Variants in NOS1AP observed in about 807,000 individuals in gnomAD.
The protein encoded by NOS1AP is nitric oxide synthase 1 adaptor protein, also known as carboxyl-terminal PDZ ligand of neuronal nitric oxide synthase protein.
NOS1AP carries 21 observed loss-of-function variants against 56.2 expected under a neutral mutation model. That is an observed-to-expected ratio of 0.37 (90% CI 0.26 to 0.54). The LOEUF is 0.54. Ranked by LOEUF, NOS1AP falls within the 20% of genes least tolerant of loss-of-function variation. NOS1AP has a pLI of 0.84. For synonymous variants in NOS1AP, 270 were observed against 274.6 expected, an observed-to-expected ratio of 0.98 and a Z score of 0.17; for missense variants, 522 against 657.8, an observed-to-expected ratio of 0.79 and a Z score of 2.26.
chr1:162,358,763 G>A (rs181477486), intron 8 of NOS1AP, among the ~76,000 whole-genome samples: 57 of 152,204 alleles, frequency 3.7e-4, no homozygotes, highest in African/African-American at 1.2e-3. Context: ...ATTTTGCAGC[G>A]TATCAATTGC....
chr1:162,081,774 A>ATATATATTTTTT lies in NOS1AP; in HGVS notation c.105+11493_105+11494insATATATTTTTTT. Reference sequence around the variant, plus strand: ...TCTATAGATATATATATATATATATATTTTTTTTTTGTAGAGATGGGTTTT... The same window carrying ATATATATTTTTT: ...TCTATAGATATATATATATATATATATATATATTTTTTTTTTTTTTTTGTAGAGATGGGTTTT... On this transcript the variant is annotated intron_variant, in intron 1 of 9. Coordinates refer to ENST00000361897, the MANE Select transcript of NOS1AP (RefSeq NM_014697.3). Among the ~76,000 whole-genome samples, 9 of 44,058 alleles carry ATATATATTTTTT rather than the reference A, an allele frequency of 2.0e-4. 1 individual carries two copies. The highest frequency in any genetic ancestry group is 5.9e-4 in the East Asian group (1 of 1,708). The allele number at this position is 44,058 out of a possible 152,430, so 28.9% of individuals were successfully genotyped here.
chr1:162,079,271 G>A (rs1189384693), intron 1 of NOS1AP, among the ~76,000 whole-genome samples: 1 of 152,176 alleles, frequency 6.6e-6, no homozygotes, highest in Non-Finnish European at 1.5e-5. Flanking sequence ...TGGATGTCCA[G>A]TGGAATTAGA....
intron 2 of NOS1AP, among the ~76,000 whole-genome samples, chr1:162,155,243 CATATACACATACATATAT>C (rs1480027224): frequency 6.9e-6 from 1 of 144,784 alleles, no homozygotes; most frequent in African/African-American, 2.5e-5. Context: ...TATACATATA[CATATACACATACATATAT>C]ATATACACAT....
chr1:162,108,393 A>G (rs1450192637), intron 1 of NOS1AP, among the ~76,000 whole-genome samples: 1 of 152,200 alleles, frequency 6.6e-6, no homozygotes, highest in Non-Finnish European at 1.5e-5. Flanking sequence ...ATGAGTTTGT[A>G]GTGATACTCA....
intron 8 of NOS1AP, chr1:162,365,081 C>T (rs533982504): frequency 4.6e-5 from 61 of 1,317,622 alleles, no homozygotes; most frequent in East Asian, 3.0e-4. Flanking sequence ...TATATGTGCA[C>T]GTGTGTGTGT....
At chr1:162,180,190 C>T (rs1469995574) in intron 2 of NOS1AP, among the ~76,000 whole-genome samples, 1 of 152,100 alleles carries the variant, frequency 6.6e-6, no homozygotes, top group African/African-American at 2.4e-5. Context: ...CTCCAATGTG[C>T]CAGGCCCTTG....
intron 2 of NOS1AP, among the ~76,000 whole-genome samples, chr1:162,196,154 T>C (rs1175842196): frequency 6.6e-6 from 1 of 152,160 alleles, no homozygotes; most frequent in Non-Finnish European, 1.5e-5. Context: ...CTCTTACCAG[T>C]TCTTGGTCTT....
chr1:162,261,504 G>A (rs1341455600), intron 2 of NOS1AP, among the ~76,000 whole-genome samples: 1 of 11,138 alleles, frequency 9.0e-5, no homozygotes, highest in African/African-American at 6.5e-4. Flanking sequence ...GAGAGAGAGA[G>A]AGAGAGAGAG....
At chr1:162,072,780 T>C (rs1187898755) in intron 1 of NOS1AP, among the ~76,000 whole-genome samples, 1 of 152,232 alleles carries the variant, frequency 6.6e-6, no homozygotes, top group East Asian at 1.9e-4. Context: ...GAGCCTTCTC[T>C]GGCTGTTTTC....
At chr1:162,364,322 A>G in intron 8 of NOS1AP, 1 of 985,458 alleles carries the variant, frequency 1.0e-6, no homozygotes. Context: ...GGTCCAGGCC[A>G]TAAAAATTCA....
At chr1:162,245,394 A>G (rs2101685702) in intron 2 of NOS1AP, among the ~76,000 whole-genome samples, 1 of 152,358 alleles carries the variant, frequency 6.6e-6, no homozygotes, top group South Asian at 2.1e-4. Context: ...GTTGATGAAG[A>G]TGTCAGGGAA....
intron 2 of NOS1AP, among the ~76,000 whole-genome samples, chr1:162,255,375 C>G (rs1017253209): frequency 6.6e-6 from 1 of 152,008 alleles, no homozygotes; most frequent in African/African-American, 2.4e-5. Context: ...GTCCTAGACT[C>G]TTCCCCAAAC....
intron 1 of NOS1AP, among the ~76,000 whole-genome samples, chr1:162,084,414 T>A (rs1163200032): frequency 6.6e-6 from 1 of 152,150 alleles, no homozygotes; most frequent in East Asian, 1.9e-4. Context: ...TCATTACTGA[T>A]TCCACATGAC....
At chr1:162,281,984 C>T (rs1349653425) in intron 2 of NOS1AP, among the ~76,000 whole-genome samples, 1 of 152,134 alleles carries the variant, frequency 6.6e-6, no homozygotes, top group Non-Finnish European at 1.5e-5. Context: ...CCTGTAATCC[C>T]AGCTGCTCAG....
Position 162,299,234 on chromosome 1 carries a change from TAAG to T in NOS1AP, c.271-1397_271-1395del, listed in dbSNP as rs1268823843. Among the ~76,000 whole-genome samples, 9 of 152,276 alleles carry T rather than the reference TAAG, an allele frequency of 5.9e-5. No homozygotes were observed. In the East Asian group the frequency reaches 1.7e-3, roughly 29 times the overall value. On this transcript the variant is annotated intron_variant, in intron 3 of 9. Transcript: ENST00000361897. ...ACTGCTATAAACCAATCTGCTGGGT[TAAG>T]AGGAGTGTCATGGCTGGAACATTAA... is the stretch of plus-strand genomic sequence containing the variant.
chr1:162,350,399 G>T (rs1264514496), intron 6 of NOS1AP, among the ~76,000 whole-genome samples: 1 of 152,166 alleles, frequency 6.6e-6, no homozygotes, highest in African/African-American at 2.4e-5. Flanking sequence ...CTCCCTGGGG[G>T]AGTTTTGTCT....
At chr1:162,300,407 C>T (rs1030417055) in intron 3 of NOS1AP, among the ~76,000 whole-genome samples, 1 of 152,184 alleles carries the variant, frequency 6.6e-6, no homozygotes, top group African/African-American at 2.4e-5. Context: ...TGGCTTTTGC[C>T]TACCCTCTGA....
intron 2 of NOS1AP, among the ~76,000 whole-genome samples, chr1:162,255,980 C>T (rs1654015163): frequency 6.6e-6 from 1 of 151,998 alleles, no homozygotes; most frequent in African/African-American, 2.4e-5. Flanking sequence ...CCCATCTCTA[C>T]TAAAAATAGA....
At chr1:162,315,387 G>A (rs1656196952) in intron 4 of NOS1AP, among the ~76,000 whole-genome samples, 2 of 152,210 alleles carry the variant, frequency 1.3e-5, no homozygotes, top group Non-Finnish European at 2.9e-5. Flanking sequence ...CTGCCACAGT[G>A]CCCTGTCCTC....
Sources: gnomAD v4.1 joint callset for allele counts (sites outside exome capture counted in the v4.1 genomes callset) on GRCh38, gnomAD v4.1.1 for gene constraint, MANE v1.5 for transcripts, NCBI Gene and HGNC (gene_info 2026-07-23, HGNC 2026-07-21) for gene names.